The following PRKD1 variants were observed in gnomAD, a reference collection of about 807,000 sequenced individuals.
The protein encoded by PRKD1 is protein kinase D1, also known as serine/threonine-protein kinase D1.
PRKD1 carries 63 observed loss-of-function variants against 95.9 expected under a neutral mutation model. The ratio of observed to expected loss-of-function variants is 0.66; its 90% CI spans 0.54 to 0.81. The LOEUF is 0.81. PRKD1 is among the 30% of genes least tolerant of loss of function. The probability of loss-of-function intolerance (pLI) is 0.00; values close to 1 mark genes in which losing one functional copy is unlikely to be tolerated. For synonymous variants in PRKD1, 425 were observed against 423.1 expected (o/e 1.00, Z -0.05); for missense variants, 1,048 against 1,165.3 (o/e 0.90, Z 1.47).
intron 1 of PRKD1, among the ~76,000 whole-genome samples, chr14:29,822,651 A>C (rs964887580): frequency 2.0e-5 from 3 of 152,270 alleles, no homozygotes; most frequent in Non-Finnish European, 4.4e-5. Flanking sequence ...TCTGCCCTTT[A>C]CTTTAGGTAC....
At chr14:29,925,064 A>T (rs1350409375) in intron 1 of PRKD1, among the ~76,000 whole-genome samples, 4 of 151,178 alleles carry the variant, frequency 2.6e-5, no homozygotes, top group Non-Finnish European at 5.9e-5. Context: ...TTTATAACCT[A>T]AAAAAAAAGT....
rs183780333 is a variant in PRKD1 at position 29,781,419 on chromosome 14, T to A, written c.265-55745A>T. ...GACACACCAGTTTACCCCCTCAATATTTCCAAGACAAGCCTCTGGCTGGTC... is the reference window on the plus strand; with the variant it reads ...GACACACCAGTTTACCCCCTCAATAATTCCAAGACAAGCCTCTGGCTGGTC... On this transcript the variant is annotated intron_variant, in intron 1 of 17. Coordinates refer to ENST00000331968, the MANE Select transcript of PRKD1 (RefSeq NM_002742.3). Among the ~76,000 whole-genome samples, 405 of 152,302 alleles carry A rather than the reference T, an allele frequency of 2.7e-3. 6 individuals carry two copies. Among genetic ancestry groups the A allele is most frequent in the Non-Finnish European group, 1.8e-3 (124 of 68,014 alleles).
chr14:29,599,755 A>C lies in PRKD1; in HGVS notation c.1968T>G (p.Phe656Leu). 2.5e-6 allele frequency: 4 copies of C among 1,613,380 alleles called. No homozygotes were observed. Among genetic ancestry groups the C allele is most frequent in the Non-Finnish European group, 3.4e-6 (4 of 1,179,680 alleles). The change falls in exon 14 of 18, where the codon TTT becomes TTG. Residue 656 changes from phenylalanine to leucine, a missense_variant. Physicochemically the swap from Phe to Leu is conservative, Grantham distance 22 (BLOSUM62 0). Around this residue, in one of 3 missense-constraint regions of PRKD1, gnomAD observed 739 missense variants for 861.9 expected, o/e 0.86. Coordinates refer to ENST00000331968, the MANE Select transcript of PRKD1 (RefSeq NM_002742.3). ...CTCCATGGAGTTTTTCCATAACAAC[A>C]AACACTCTTTCAGGCGTCTCAAACA... ...ECMFETPERVFVVMEKLHGDM... is the reference protein window; with the variant it reads ...ECMFETPERVLVVMEKLHGDM...
At chr14:29,738,085 A>C (rs1216853111) in intron 1 of PRKD1, among the ~76,000 whole-genome samples, 2 of 152,226 alleles carry the variant, frequency 1.3e-5, no homozygotes, top group African/African-American at 4.8e-5. Context: ...AGTATAAATG[A>C]AAGGAAGAAA....
chr14:29,708,920 C>T (rs910579601), intron 2 of PRKD1, among the ~76,000 whole-genome samples: 11 of 152,036 alleles, frequency 7.2e-5, no homozygotes, highest in African/African-American at 2.4e-4. Context: ...CAACCACTCC[C>T]AAGATAGCAA....
intron 1 of PRKD1, among the ~76,000 whole-genome samples, chr14:29,880,287 G>A (rs1420693092): frequency 6.6e-6 from 1 of 152,290 alleles, no homozygotes; most frequent in East Asian, 1.9e-4. Context: ...AGCCACTCCA[G>A]TGGCTGACAG....
In PRKD1 at chr14:29,651,737, T is replaced by C. The variant is rs111480186; in HGVS notation, c.696+11962A>G. Among the ~76,000 whole-genome samples the C allele has an allele frequency of 5.5e-3, 831 of 152,096 alleles. 10 individuals are homozygous for C. Among genetic ancestry groups the C allele is most frequent in the African/African-American group, 0.018 (760 of 41,520 alleles). The stretch of plus-strand genomic sequence containing the variant: ...AGTAACCTTTTTTTCATATTTTTTA[T>C]TTATTATTTATGTATTTATTTTTGA... On this transcript the variant is annotated intron_variant, in intron 4 of 17. Coordinates refer to ENST00000331968, the MANE Select transcript of PRKD1 (RefSeq NM_002742.3).
chr14:29,754,761 C>T (rs1483700952), intron 1 of PRKD1, among the ~76,000 whole-genome samples: 1 of 152,032 alleles, frequency 6.6e-6, no homozygotes, highest in African/African-American at 2.4e-5. Flanking sequence ...ACTTAAAGAA[C>T]AAATACCTCT....
At chr14:29,650,713 A>G (rs1881440552) in intron 4 of PRKD1, among the ~76,000 whole-genome samples, 1 of 152,190 alleles carries the variant, frequency 6.6e-6, no homozygotes, top group South Asian at 2.1e-4. Context: ...CAGAAGCAAG[A>G]ACTAAAGCAG....
intron 1 of PRKD1, among the ~76,000 whole-genome samples, chr14:29,746,529 T>TACAC (rs139747043): frequency 0.028 from 4,170 of 146,376 alleles, 117 homozygotes; most frequent in Admixed American, 0.085. Flanking sequence ...TGTGTACATA[T>TACAC]ATACACACAC....
intron 4 of PRKD1, among the ~76,000 whole-genome samples, chr14:29,648,900 C>T (rs952648376): frequency 1.4e-4 from 21 of 152,276 alleles, no homozygotes; most frequent in African/African-American, 4.1e-4. Flanking sequence ...GTGATCCGCC[C>T]GCCTTGGCCT....
At chr14:29,855,727 G>A (rs1892473916) in intron 1 of PRKD1, among the ~76,000 whole-genome samples, 1 of 152,138 alleles carries the variant, frequency 6.6e-6, no homozygotes, top group South Asian at 2.1e-4. Context: ...GACCCAGTGG[G>A]AGACTGTTGA....
At chr14:29,725,766 GAA>G in intron 1 of PRKD1, 92 bp from the exon 2 acceptor site, 1 of 1,353,328 alleles carries the variant, frequency 7.4e-7, no homozygotes, top group Non-Finnish European at 1.0e-6. Context: ...AAGCTAATTA[GAA>G]AAGTTCAAAG....
At chr14:29,701,186 T>C (rs1884826425) in intron 2 of PRKD1, among the ~76,000 whole-genome samples, 1 of 152,224 alleles carries the variant, frequency 6.6e-6, no homozygotes, top group Admixed American at 6.5e-5. Flanking sequence ...TATCTAAAAC[T>C]GAGGCTCTTG....
intron 1 of PRKD1, among the ~76,000 whole-genome samples, chr14:29,882,122 G>GAAA (rs1555353469): frequency 6.6e-6 from 1 of 151,772 alleles, no homozygotes; most frequent in Non-Finnish European, 1.5e-5. Flanking sequence ...ATAAATATAT[G>GAAA]AATAACTTTC....
intron 4 of PRKD1, among the ~76,000 whole-genome samples, chr14:29,646,423 A>T (rs1291227966): frequency 6.6e-6 from 1 of 152,156 alleles, no homozygotes; most frequent in Non-Finnish European, 1.5e-5. Context: ...AAATCCTTAA[A>T]GTGAATGGAT....
intron 1 of PRKD1, among the ~76,000 whole-genome samples, chr14:29,852,429 T>C (rs569372635): frequency 6.6e-6 from 1 of 151,854 alleles, no homozygotes; most frequent in Non-Finnish European, 1.5e-5. Context: ...ATATCTATTC[T>C]GAGGAAAGGA....
intron 1 of PRKD1, among the ~76,000 whole-genome samples, chr14:29,871,595 T>C (rs1375574112): frequency 1.3e-5 from 2 of 152,230 alleles, no homozygotes; most frequent in African/African-American, 2.4e-5. Flanking sequence ...TAATGTAGGA[T>C]TATCCTGAGA....
chr14:29,597,352 G>T, intron 16 of PRKD1, 139 bp downstream of exon 16: 3 of 850,224 alleles, frequency 3.5e-6, no homozygotes, highest in South Asian at 2.8e-5. Flanking sequence ...AAATTAATTC[G>T]TGTCTTTGTG....
Sources: allele counts gnomAD v4.1 joint callset (sites outside exome capture counted in the v4.1 genomes callset), GRCh38; gene constraint gnomAD v4.1.1; regional missense constraint gnomAD v4.1.1; transcripts MANE v1.5; gene names NCBI Gene and HGNC (gene_info 2026-07-23, HGNC 2026-07-21).